Variants in ABLIM2 observed in about 807,000 individuals in gnomAD.
ABLIM2 encodes the protein actin binding LIM protein family member 2.
In ABLIM2, 53 loss-of-function variants were observed where a neutral mutation model predicts 97.7. The ratio of observed to expected loss-of-function variants is 0.54; its 90% CI spans 0.44 to 0.68. The LOEUF is 0.68. Ranked by LOEUF, ABLIM2 falls within the 30% of genes least tolerant of loss-of-function variation. The pLI is 0.00. For missense variants in ABLIM2, 835 were observed against 867.2 expected, an observed-to-expected ratio of 0.96 and a Z score of 0.47; for synonymous variants, 361 against 345.8, an observed-to-expected ratio of 1.04 and a Z score of -0.49.
intron 1 of ABLIM2, among the ~76,000 whole-genome samples, chr4:8,134,358 C>T (rs1446269526): frequency 6.6e-6 from 1 of 152,148 alleles, no homozygotes; most frequent in Non-Finnish European, 1.5e-5. Context: ...CCACCACTCC[C>T]TGCCTTCTGT....
intron 16 of ABLIM2, chr4:7,993,836 G>A (rs891310482): frequency 4.4e-6 from 2 of 456,956 alleles, no homozygotes; most frequent in Admixed American, 2.3e-5. Flanking sequence ...TCAGGAGGGG[G>A]CAGCCTTTCC....
At chr4:8,089,728 A>C (rs1356393839) in intron 3 of ABLIM2, among the ~76,000 whole-genome samples, 1 of 87,754 alleles carries the variant, frequency 1.1e-5, no homozygotes, top group Non-Finnish European at 2.0e-5. Flanking sequence ...AGTGAGATTC[A>C]TATCAAAAAA....
Position 8,085,822 on chromosome 4 carries a change from G to T in ABLIM2, c.454+2347C>A, listed in dbSNP as rs1380676476. On this transcript the variant is annotated intron_variant, in intron 4 of 20. Coordinates refer to ENST00000447017, the MANE Select transcript of ABLIM2 (RefSeq NM_001130083.2). The surrounding 1 kb of genome is among the most constrained non-coding windows in gnomAD (Gnocchi z 6.1). ...AGACCCACCTGCTGGAATTCAGCCT[G>T]CGTCTCCAGTTTCAGAACCAAGGCC... is the stretch of plus-strand genomic sequence containing the variant. 6.6e-6 allele frequency among the ~76,000 whole-genome samples: 1 copy of T among 152,220 alleles called. No individual in the cohort carries two copies. The highest frequency in any genetic ancestry group is 1.5e-5 in the Non-Finnish European group (1 of 68,044).
In ABLIM2 at chr4:8,067,565, A is replaced by G. The variant is rs1167471404; in HGVS notation, c.676-6511T>C. On this transcript the variant is annotated intron_variant, in intron 6 of 20. Transcript: ENST00000447017. The surrounding 1 kb of genome is among the most constrained non-coding windows in gnomAD (Gnocchi z 5.4). ...GGCCACTCATAAAGTATGAGAGTCA[A>G]CAGCCAAACCCTTACATTTTAAGGA... The G allele has an allele frequency of 1.3e-5, 2 of 152,278 alleles. No individual in the cohort carries two copies. Among genetic ancestry groups the G allele is most frequent in the Non-Finnish European group, 2.9e-5 (2 of 68,078 alleles). 9.4% of individuals were successfully genotyped at this position (152,278 alleles called of 1,614,324 possible).
chr4:8,011,099 G>A (rs2150514703), intron 14 of ABLIM2, among the ~76,000 whole-genome samples: 2 of 152,346 alleles, frequency 1.3e-5, no homozygotes, highest in Middle Eastern at 6.8e-3. Flanking sequence ...AAGGGCCCTT[G>A]GGGACCTGAA....
chr4:8,050,765 G>C (rs1356706525), intron 8 of ABLIM2, among the ~76,000 whole-genome samples: 1 of 152,108 alleles, frequency 6.6e-6, no homozygotes, highest in Non-Finnish European at 1.5e-5. Context: ...CAAGGGGACC[G>C]AGATGTGTAT....
At chr4:8,000,690 T>C (rs78579925) in intron 16 of ABLIM2, among the ~76,000 whole-genome samples, 2,735 of 152,232 alleles carry the variant, frequency 0.018, 91 homozygotes, top group African/African-American at 0.062. Flanking sequence ...AGAAGGCTGC[T>C]GCTCAGGGAG....
intron 2 of ABLIM2, among the ~76,000 whole-genome samples, chr4:8,099,524 A>G (rs902251531): frequency 2.1e-4 from 32 of 152,094 alleles, no homozygotes; most frequent in African/African-American, 5.8e-4. Flanking sequence ...TGTCCTGAGT[A>G]TGCCAAGGTC....
chr4:8,011,573 T>G (rs1439424718), intron 14 of ABLIM2, among the ~76,000 whole-genome samples: 1 of 152,216 alleles, frequency 6.6e-6, no homozygotes, highest in African/African-American at 2.4e-5. Context: ...TGGAACATAA[T>G]AGGAAACTCA....
rs1746792429 is a variant in ABLIM2, at chr4:7,989,208, A to G, written c.1680+3658T>C. On this transcript the variant is annotated intron_variant, in intron 17 of 20. Coordinates refer to ENST00000447017, the MANE Select transcript of ABLIM2 (RefSeq NM_001130083.2). ...GCATTCTTTATTCTTGTGCTCAAGT[A>G]GCTGGGATATTAGGCATGTGCTACC... Among the ~76,000 whole-genome samples the G allele has an allele frequency of 2.0e-5, 3 of 150,862 alleles. No homozygotes were observed. The Admixed American group carries it at 2.0e-4, about 10-fold the overall frequency.
intron 14 of ABLIM2, among the ~76,000 whole-genome samples, chr4:8,016,033 T>C (rs1220847377): frequency 7.5e-6 from 1 of 134,012 alleles, no homozygotes; most frequent in African/African-American, 3.1e-5. Flanking sequence ...GATTTCTTTT[T>C]TGTTGTTGTA....
At chr4:7,989,010 G>C (rs1746558579) in intron 17 of ABLIM2, among the ~76,000 whole-genome samples, 1 of 148,548 alleles carries the variant, frequency 6.7e-6, no homozygotes, top group Admixed American at 6.7e-5. Flanking sequence ...TTGATTGTTT[G>C]CTATTTGTAC....
rs867494963 is a variant in ABLIM2 at position 8,143,168 on chromosome 4, G to A, written c.10+15512C>T. Among the ~76,000 whole-genome samples, 38 of 149,296 alleles carry A rather than the reference G, an allele frequency of 2.5e-4. 2 individuals carry two copies. Among genetic ancestry groups the A allele is most frequent in the Middle Eastern group, 3.5e-3 (1 of 286 alleles). On this transcript the variant is annotated intron_variant, in intron 1 of 20. Coordinates refer to ENST00000447017, the MANE Select transcript of ABLIM2 (RefSeq NM_001130083.2). ...GGAGCGGGGGCGAGAGTGGGGGGGG[G>A]GGGCGTCTGCAAATGCATCTCCTGG...
rs1186034059 is a variant in ABLIM2 at position 8,127,418 on chromosome 4, C to T, written c.11-20781G>A. The T allele has an allele frequency of 2.6e-6, 3 of 1,158,116 alleles. No homozygotes were observed. In the East Asian group the frequency reaches 1.8e-4, roughly 68 times the overall value. The allele number at this position is 1,158,116 out of a possible 1,614,324, so 71.7% of individuals were successfully genotyped here. On this transcript the variant is annotated intron_variant, in intron 1 of 20. Coordinates refer to ENST00000447017, the MANE Select transcript of ABLIM2 (RefSeq NM_001130083.2). The surrounding 1 kb of genome is among the most constrained non-coding windows in gnomAD (Gnocchi z 7.3). ...CACGCAGGGCACAACTTGACTGGAC[C>T]CGTCCTTTCCCACCAGACCCCTGAA...
At chr4:7,983,155 T>C in intron 20 of ABLIM2, 109 bp downstream of exon 20, 1 of 1,152,084 alleles carries the variant, frequency 8.7e-7, no homozygotes, top group Non-Finnish European at 1.3e-6. Flanking sequence ...GGCTCTGCAC[T>C]GTCCCCCACG....
At chr4:8,020,391 C>G (rs770423688) in intron 12 of ABLIM2, 88 bp from the exon 13 acceptor site, 4 of 1,183,216 alleles carry the variant, frequency 3.4e-6, no homozygotes, top group Non-Finnish European at 4.9e-6. Context: ...TTATTTGCAG[C>G]GAGCCCCATC....
intron 1 of ABLIM2, among the ~76,000 whole-genome samples, chr4:8,108,246 A>G (rs576499697): frequency 6.6e-6 from 1 of 152,318 alleles, no homozygotes; most frequent in East Asian, 1.9e-4. Flanking sequence ...CTTGTTTGGG[A>G]GTGAGAGCCA....
intron 9 of ABLIM2, among the ~76,000 whole-genome samples, chr4:8,038,007 C>A (rs4419464): frequency 0.074 from 11,274 of 152,262 alleles, 554 homozygotes; most frequent in South Asian, 0.14. Context: ...GCTCTGGGCT[C>A]CCCAGGAGCT....
In ABLIM2 at chr4:8,148,638, C is replaced by T. The variant is rs563595887; in HGVS notation, c.10+10042G>A. Among the ~76,000 whole-genome samples the T allele has an allele frequency of 6.6e-6, 1 of 152,268 alleles. No homozygotes were observed. The highest frequency in any genetic ancestry group is 2.4e-5 in the African/African-American group (1 of 41,560). On this transcript the variant is annotated intron_variant, in intron 1 of 20. Coordinates refer to ENST00000447017, the MANE Select transcript of ABLIM2 (RefSeq NM_001130083.2). The surrounding 1 kb of genome is among the most constrained non-coding windows in gnomAD (Gnocchi z 6.7). ...GTCCACACTGGGGAAGCGCGTAAGC[C>T]GTTCCCCCGTGGGCATGCACAGCAG...
Sources: allele counts gnomAD v4.1 joint callset (sites outside exome capture counted in the v4.1 genomes callset), GRCh38; gene constraint gnomAD v4.1.1; non-coding constraint Gnocchi (gnomAD v3.1); transcripts MANE v1.5; gene names NCBI Gene and HGNC (gene_info 2026-07-23, HGNC 2026-07-21).